Variants in SIMC1 observed in about 807,000 individuals in gnomAD.
SIMC1 encodes SUMO-interacting motif-containing protein 1.
Under a neutral mutation model 82.3 loss-of-function variants are expected in SIMC1, and 55 were observed. The observed-to-expected ratio is 0.67, with a 90% CI of 0.54 to 0.84. The LOEUF (loss-of-function observed/expected upper bound fraction) is 0.84. SIMC1 is among the 40% of genes least tolerant of loss of function. The pLI is 0.00. For synonymous variants in SIMC1, 353 were observed against 426.3 expected (o/e 0.83, Z 2.12); for missense variants, 915 against 1,107.2 (o/e 0.83, Z 2.46).
Position 176,345,374 on chromosome 5 carries a change from C to T in SIMC1, c.2605C>T (p.Leu869Phe), listed in dbSNP as rs372016718. ...CCAAGACAAAGTGCACTTGTTGAAG[C>T]TCCTGCTCTTCTATGCTGCGGACTT... ...QLQDKVHLLK[L>F]LLFYAADLNP... Residue 869 changes from leucine (L) to phenylalanine (F), a missense_variant, in exon 10 of 10, where the codon CTC becomes TTC. Around this residue, in one of 2 missense-constraint regions of SIMC1, gnomAD observed 902 missense variants for 1,040.3 expected, o/e 0.87. Transcript: ENST00000429602. 5.6e-5 allele frequency: 90 copies of T among 1,613,854 alleles called. No individual in the cohort carries two copies. Among genetic ancestry groups the T allele is most frequent in the Non-Finnish European group, 6.9e-5 (82 of 1,179,900 alleles).
chr5:176,336,077 G>A (rs62405175), intron 7 of SIMC1, among the ~76,000 whole-genome samples: 9 of 115,064 alleles, frequency 7.8e-5, no homozygotes, highest in South Asian at 2.8e-4. Context: ...GAAGGGAGAG[G>A]GAGGGAGGCA....
chr5:176,273,118 C>T (rs779586997), intron 1 of SIMC1, among the ~76,000 whole-genome samples: 114 of 152,350 alleles, frequency 7.5e-4, no homozygotes, highest in Non-Finnish European at 1.1e-3. Flanking sequence ...GATCTGAGAA[C>T]GGACAGACTG....
intron 1 of SIMC1, among the ~76,000 whole-genome samples, chr5:176,279,684 C>T (rs1333324787): frequency 1.3e-5 from 2 of 150,676 alleles, no homozygotes; most frequent in East Asian, 1.9e-4. Flanking sequence ...TCTTTGTTCT[C>T]GTTGGTTTCA....
At chr5:176,313,449 A>G (rs1050896426) in intron 4 of SIMC1, 2 of 1,549,640 alleles carry the variant, frequency 1.3e-6, no homozygotes, top group South Asian at 1.2e-5. Flanking sequence ...TGAACAAGTA[A>G]TAATACTTAA....
intron 5 of SIMC1, among the ~76,000 whole-genome samples, chr5:176,319,840 CT>C: frequency 6.6e-6 from 1 of 152,212 alleles, no homozygotes; most frequent in East Asian, 1.9e-4. Context: ...ATTTTGGTCT[CT>C]ATCTCTTTAT....
rs180799141 is a variant in SIMC1, at chr5:176,337,556, T to G, written c.2413+410T>G. Among the ~76,000 whole-genome samples the G allele has an allele frequency of 2.3e-3, 352 of 152,224 alleles. 3 individuals are homozygous for G. The highest frequency in any genetic ancestry group is 8.1e-3 in the African/African-American group (338 of 41,528). On this transcript the variant is annotated intron_variant, in intron 9 of 9. Coordinates refer to ENST00000429602, the MANE Select transcript of SIMC1 (RefSeq NM_001308195.2). ...TTGCAGTGAGCCAAGATCATGCCAC[T>G]GCATTCCAGCCTGGGCAACAGAGTG...
chr5:176,254,160 G>A (rs905063645), intron 1 of SIMC1, among the ~76,000 whole-genome samples: 5 of 152,132 alleles, frequency 3.3e-5, no homozygotes, highest in Admixed American at 2.0e-4. Context: ...TATTAGGGAT[G>A]TTGCCAAGGT....
At chr5:176,301,422 C>T (rs1488589098) in intron 4 of SIMC1, among the ~76,000 whole-genome samples, 1 of 152,106 alleles carries the variant, frequency 6.6e-6, no homozygotes, top group Non-Finnish European at 1.5e-5. Flanking sequence ...TTATAAATTA[C>T]CCAGTCTAGG....
At chr5:176,304,354 C>T (rs1016885417) in intron 4 of SIMC1, 43 of 162,526 alleles carry the variant, frequency 2.6e-4, no homozygotes, top group Non-Finnish European at 4.6e-4. Flanking sequence ...CGCGCCACCA[C>T]GCCTGACTGG....
chr5:176,323,795 G>A lies in SIMC1; in HGVS notation c.2043-834G>A, dbSNP rs181768311. Among the ~76,000 whole-genome samples, 562 of 152,146 alleles carry A rather than the reference G, an allele frequency of 3.7e-3. 3 individuals are homozygous for A. The highest frequency in any genetic ancestry group is 0.013 in the African/African-American group (534 of 41,508). On this transcript the variant is annotated intron_variant, in intron 6 of 9. Transcript: ENST00000429602. Reference sequence around the variant, plus strand: ...AGGTCAGGAGATGGAGACCATCCTGGCTAACACGGTGAAACCCCGTCTCTA... The same window carrying A: ...AGGTCAGGAGATGGAGACCATCCTGACTAACACGGTGAAACCCCGTCTCTA...
intron 4 of SIMC1, among the ~76,000 whole-genome samples, chr5:176,303,722 G>C (rs937427086): frequency 1.3e-4 from 20 of 152,200 alleles, no homozygotes; most frequent in African/African-American, 4.8e-4. Flanking sequence ...GTACAAGAAA[G>C]AAGATAGACA....
intron 1 of SIMC1, among the ~76,000 whole-genome samples, chr5:176,286,900 G>A (rs576208065): frequency 6.3e-4 from 96 of 152,210 alleles, no homozygotes; most frequent in Non-Finnish European, 1.2e-3. Context: ...ACTGGCTATC[G>A]GAGAAATGCA....
chr5:176,306,852 G>A (rs996778050), intron 4 of SIMC1, among the ~76,000 whole-genome samples: 3 of 151,248 alleles, frequency 2.0e-5, no homozygotes, highest in East Asian at 1.9e-4. Context: ...TCCCTCCACT[G>A]TTGTCCCATG....
At chr5:176,322,099 G>A (rs1044295748) in intron 5 of SIMC1, among the ~76,000 whole-genome samples, 174 bp from the exon 6 acceptor site, 3 of 151,940 alleles carry the variant, frequency 2.0e-5, no homozygotes, top group Non-Finnish European at 4.4e-5. Context: ...ATTGAAAATA[G>A]CCAGAGGGCC....
chr5:176,263,114 A>C (rs958237657), intron 1 of SIMC1, among the ~76,000 whole-genome samples: 3 of 152,218 alleles, frequency 2.0e-5, no homozygotes, highest in African/African-American at 7.2e-5. Context: ...CTTTATATAG[A>C]AAACTGTGAT....
At chr5:176,325,310 C>A (rs186477334) in intron 7 of SIMC1, among the ~76,000 whole-genome samples, 295 of 152,150 alleles carry the variant, frequency 1.9e-3, no homozygotes, top group Middle Eastern at 0.01. Context: ...TCGCTTGAAC[C>A]AGGAGGTGGA....
At chr5:176,307,068 AGTT>A (rs1166542468) in intron 4 of SIMC1, among the ~76,000 whole-genome samples, 14 of 152,218 alleles carry the variant, frequency 9.2e-5, no homozygotes, top group Non-Finnish European at 2.1e-4. Context: ...CAATATAACT[AGTT>A]ATTAGAGGTA....
At chr5:176,335,273 C>CT (rs1225021593) in intron 7 of SIMC1, among the ~76,000 whole-genome samples, 1,849 of 98,660 alleles carry the variant, frequency 0.019, 65 homozygotes, top group Middle Eastern at 0.043. Flanking sequence ...TTCTTTGTAT[C>CT]TTTTTTTTTT....
intron 1 of SIMC1, among the ~76,000 whole-genome samples, chr5:176,261,656 G>A (rs1419839036): frequency 1.3e-5 from 2 of 151,858 alleles, no homozygotes; most frequent in African/African-American, 4.8e-5. Context: ...GCTGAGGCAG[G>A]AGAATCACTT....
Sources: gnomAD v4.1 joint callset for allele counts (sites outside exome capture counted in the v4.1 genomes callset) on GRCh38, gnomAD v4.1.1 for gene constraint, gnomAD v4.1.1 regional missense constraint, MANE v1.5 for transcripts, NCBI Gene and HGNC (gene_info 2026-07-23, HGNC 2026-07-21) for gene names.